NRXN3: variants seen among roughly 807,000 people sequenced by gnomAD.
The protein encoded by NRXN3 is neurexin 3.
A neutral mutation model predicts 137.6 loss-of-function variants in NRXN3; 32 were observed. That is an observed-to-expected ratio of 0.23 (90% confidence interval 0.18 to 0.31). The LOEUF is 0.31. Ranked by LOEUF, NRXN3 falls within the 10% of genes least tolerant of loss-of-function variation. The probability of loss-of-function intolerance (pLI) is 1.00; values close to 1 mark genes in which losing one functional copy is unlikely to be tolerated. For synonymous variants in NRXN3, 798 were observed against 784.5 expected (o/e 1.02, Z -0.29); for missense variants, 1,574 against 2,062.5 (o/e 0.76, Z 4.59).
At chr14:79,589,393 A>C (rs1362246612) in intron 16 of NRXN3, among the ~76,000 whole-genome samples, 1 of 152,040 alleles carries the variant, frequency 6.6e-6, no homozygotes, top group Non-Finnish European at 1.5e-5. Flanking sequence ...TAGCTTTCAA[A>C]ATTGTCATGT....
chr14:78,595,191 T>C (rs1202103840), intron 4 of NRXN3, among the ~76,000 whole-genome samples: 1 of 152,188 alleles, frequency 6.6e-6, no homozygotes, highest in East Asian at 1.9e-4. Flanking sequence ...ACATTTTAGC[T>C]GAGACATCAG....
At chr14:79,505,755 T>G (rs945453856) in intron 16 of NRXN3, among the ~76,000 whole-genome samples, 12 of 152,336 alleles carry the variant, frequency 7.9e-5, no homozygotes, top group African/African-American at 2.9e-4. Flanking sequence ...GCATAAAATA[T>G]AGAAGTCTGG....
At chr14:79,372,593 A>G (rs192828642) in intron 15 of NRXN3, among the ~76,000 whole-genome samples, 1 of 152,138 alleles carries the variant, frequency 6.6e-6, no homozygotes, top group East Asian at 1.9e-4. Context: ...GATCAGAGAT[A>G]CCCCTCTCTT....
At chr14:78,235,643 T>C (rs1387945424) in intron 1 of NRXN3, among the ~76,000 whole-genome samples, 1 of 152,148 alleles carries the variant, frequency 6.6e-6, no homozygotes, top group African/African-American at 2.4e-5. Flanking sequence ...AAAAGTCTCT[T>C]CCTGTCTCTC....
rs1481642972 is a variant in NRXN3, at chr14:79,862,797, C to T, written c.*833C>T. ...TGATAAATTGATTCGAAAAGCTGGT[C>T]CCCCAGGATCTAATTTCAGAATTTA... On this transcript the variant is annotated 3_prime_UTR_variant, in exon 21 of 21. Coordinates refer to ENST00000335750, the MANE Select transcript of NRXN3 (RefSeq NM_001330195.2). The T allele has an allele frequency of 2.0e-5, 3 of 152,442 alleles. No homozygotes were observed. The highest frequency in any genetic ancestry group is 4.8e-5 in the African/African-American group (2 of 41,372). The allele number at this position is 152,442 out of a possible 1,614,324, so 9.4% of individuals were successfully genotyped here. A position where few individuals can be genotyped will look rare whatever the true frequency, so the allele number is the denominator to read the frequency against.
chr14:78,331,959 G>C (rs1371453199), intron 4 of NRXN3, among the ~76,000 whole-genome samples: 6 of 152,124 alleles, frequency 3.9e-5, no homozygotes. Flanking sequence ...GAAACAGCTG[G>C]GTGTTAACTA....
intron 4 of NRXN3, among the ~76,000 whole-genome samples, chr14:78,323,690 A>G (rs78818615): frequency 0.12 from 18,505 of 151,984 alleles, 1,431 homozygotes; most frequent in Middle Eastern, 0.19. Context: ...AGGCCCTCCC[A>G]TCTGTACGAA....
At chr14:79,451,171 G>GA (rs563541996) in intron 15 of NRXN3, among the ~76,000 whole-genome samples, 337 of 86,070 alleles carry the variant, frequency 3.9e-3, no homozygotes, top group Middle Eastern at 0.014. Flanking sequence ...GGAGGGAACA[G>GA]AAAAAAAAAA....
intron 2 of NRXN3, among the ~76,000 whole-genome samples, chr14:78,273,917 A>C (rs896474911): frequency 8.5e-5 from 13 of 152,122 alleles, no homozygotes; most frequent in Non-Finnish European, 1.3e-4. Context: ...AATAGGTCAG[A>C]CTCAAGGCAG....
chr14:78,943,576 G>T (rs1466965556), intron 10 of NRXN3, among the ~76,000 whole-genome samples: 1 of 124,472 alleles, frequency 8.0e-6, no homozygotes, highest in Non-Finnish European at 1.6e-5. Flanking sequence ...AACAGGAAAA[G>T]TCTGAAGGTT....
chr14:78,309,691 A>G (rs2077750201), intron 4 of NRXN3, among the ~76,000 whole-genome samples: 1 of 152,192 alleles, frequency 6.6e-6, no homozygotes, highest in Non-Finnish European at 1.5e-5. Context: ...CAAAGTTACC[A>G]AAATTTATTT....
chr14:79,309,891 A>T (rs2086895178), intron 15 of NRXN3, among the ~76,000 whole-genome samples: 1 of 107,898 alleles, frequency 9.3e-6, no homozygotes, highest in Non-Finnish European at 1.8e-5. Flanking sequence ...TTGCCTGTTC[A>T]CTCTGATGGT....
At chr14:78,816,162 C>T (rs1266100506) in intron 10 of NRXN3, among the ~76,000 whole-genome samples, 1 of 152,092 alleles carries the variant, frequency 6.6e-6, no homozygotes, top group Admixed American at 6.5e-5. Flanking sequence ...TAATATTAAA[C>T]ACTTCTTAAT....
intron 6 of NRXN3, among the ~76,000 whole-genome samples, chr14:78,706,624 C>G (rs1158079): frequency 0.3 from 45,598 of 152,010 alleles, 8,834 homozygotes; most frequent in African/African-American, 0.55. Flanking sequence ...TAAAATAAGG[C>G]AATGATTACA....
intron 16 of NRXN3, among the ~76,000 whole-genome samples, chr14:79,624,330 G>T (rs568991908): frequency 6.6e-6 from 1 of 152,136 alleles, no homozygotes; most frequent in South Asian, 2.1e-4. Context: ...AGACCAAAGA[G>T]TGACAAGAGA....
chr14:79,152,809 A>G (rs987238732), intron 15 of NRXN3, among the ~76,000 whole-genome samples: 1 of 152,154 alleles, frequency 6.6e-6, no homozygotes, highest in African/African-American at 2.4e-5. Flanking sequence ...CAGCCAAACC[A>G]TATCAGAGGC....
At chr14:78,778,682 CTTTCTTTCTT>C (rs2098753408) in intron 8 of NRXN3, among the ~76,000 whole-genome samples, 2 of 72,910 alleles carry the variant, frequency 2.7e-5, no homozygotes, top group East Asian at 7.4e-4. Context: ...CTTTTCTTTT[CTTTCTTTCTT>C]TCTTTCTTTC....
intron 16 of NRXN3, among the ~76,000 whole-genome samples, chr14:79,553,081 A>G (rs772221682): frequency 6.6e-6 from 1 of 152,144 alleles, no homozygotes; most frequent in Non-Finnish European, 1.5e-5. Context: ...GTGCAGGAGA[A>G]AGTCAGAGAA....
intron 20 of NRXN3, among the ~76,000 whole-genome samples, chr14:79,817,725 G>A (rs73334281): frequency 0.019 from 2,872 of 152,180 alleles, 96 homozygotes; most frequent in African/African-American, 0.065. Flanking sequence ...CTTACGTAGC[G>A]CTTATTTTCC....
Sources: gnomAD v4.1 joint callset for allele counts (sites outside exome capture counted in the v4.1 genomes callset) on GRCh38, gnomAD v4.1.1 for gene constraint, MANE v1.5 for transcripts, NCBI Gene and HGNC (gene_info 2026-07-23, HGNC 2026-07-21) for gene names.